KDM4C: variants seen among roughly 807,000 people sequenced by gnomAD.
The protein encoded by KDM4C is lysine-specific demethylase 4C.
KDM4C carries 81 observed loss-of-function variants against 129.3 expected under a neutral mutation model. The ratio of observed to expected loss-of-function variants is 0.63; its 90% CI spans 0.52 to 0.75. The LOEUF (loss-of-function observed/expected upper bound fraction) is 0.75, where lower values mean the gene tolerates loss of function less well. KDM4C is among the 30% of genes least tolerant of loss of function. The pLI is 0.00. For synonymous variants in KDM4C, 573 were observed against 456.1 expected (o/e 1.26, Z -3.26); for missense variants, 1,457 against 1,304.0 (o/e 1.12, Z -1.81).
At chr9:6,757,840 A>G (rs1215024149), upstream of KDM4C, 2 of 985,426 alleles carry the variant, frequency 2.0e-6, no homozygotes, top group Admixed American at 6.1e-5. Flanking sequence ...AGCAAGCCTA[A>G]GTTAACCACA....
intron 8 of KDM4C, among the ~76,000 whole-genome samples, chr9:6,929,822 T>G (rs1311618673): frequency 6.6e-6 from 1 of 152,208 alleles, no homozygotes; most frequent in Non-Finnish European, 1.5e-5. Context: ...TGAAAAAAGT[T>G]TGAAGGCTTC....
intron 6 of KDM4C, among the ~76,000 whole-genome samples, chr9:6,880,997 A>T (rs1844361270): frequency 6.6e-6 from 1 of 152,206 alleles, no homozygotes; most frequent in South Asian, 2.1e-4. Context: ...TTCTGCCTTT[A>T]TCCAGGATTG....
At chr9:7,173,625 A>G (rs1043798708) in intron 21 of KDM4C, among the ~76,000 whole-genome samples, 2 of 152,218 alleles carry the variant, frequency 1.3e-5, no homozygotes, top group Non-Finnish European at 2.9e-5. Flanking sequence ...AAGGGCTTCA[A>G]GGTACATGCA....
intron 5 of KDM4C, among the ~76,000 whole-genome samples, chr9:6,873,122 G>A (rs1403949247): frequency 6.6e-6 from 1 of 152,060 alleles, no homozygotes; most frequent in African/African-American, 2.4e-5. Flanking sequence ...CCAGACTCCC[G>A]ATTAGCTGAG....
At chr9:6,965,117 A>T (rs1830716406) in intron 8 of KDM4C, among the ~76,000 whole-genome samples, 4 of 151,856 alleles carry the variant, frequency 2.6e-5, no homozygotes, top group African/African-American at 9.7e-5. Flanking sequence ...GTTTCCCATT[A>T]CTCTTTCTTG....
chr9:6,804,408 T>C (rs1829584927), intron 2 of KDM4C, among the ~76,000 whole-genome samples: 1 of 152,210 alleles, frequency 6.6e-6, no homozygotes, highest in Non-Finnish European at 1.5e-5. Flanking sequence ...AAGCTGGTTA[T>C]TAAAGATCTA....
intron 4 of KDM4C, among the ~76,000 whole-genome samples, chr9:6,845,818 G>T (rs1564146913): frequency 1.3e-5 from 2 of 152,220 alleles, no homozygotes; most frequent in South Asian, 2.1e-4. Context: ...TGCTGAACAT[G>T]TGTGGGAGAG....
chr9:6,867,017 ATTTT>A (rs139668753), intron 5 of KDM4C, among the ~76,000 whole-genome samples: 2,700 of 83,692 alleles, frequency 0.032, 49 homozygotes, highest in African/African-American at 0.07. Flanking sequence ...ATATATATAT[ATTTT>A]TTTTTTTTTT....
At chr9:7,000,265 G>T (rs1820491199) in intron 12 of KDM4C, among the ~76,000 whole-genome samples, 1 of 152,068 alleles carries the variant, frequency 6.6e-6, no homozygotes, top group Non-Finnish European at 1.5e-5. Context: ...CTTTTATTAT[G>T]CTAGTGGCTT....
chr9:6,876,575 T>C (rs1843592393), intron 5 of KDM4C, among the ~76,000 whole-genome samples: 1 of 152,204 alleles, frequency 6.6e-6, no homozygotes, highest in Non-Finnish European at 1.5e-5. Flanking sequence ...TTTCTTTCTT[T>C]CTCTCTCTTC....
intron 1 of KDM4C, among the ~76,000 whole-genome samples, chr9:6,789,466 C>T (rs1826116957): frequency 6.6e-6 from 1 of 152,068 alleles, no homozygotes; most frequent in Non-Finnish European, 1.5e-5. Context: ...GTGATCCACC[C>T]ACCTCAGCCT....
At chr9:7,090,570 A>C (rs1158810175) in intron 17 of KDM4C, among the ~76,000 whole-genome samples, 1 of 152,226 alleles carries the variant, frequency 6.6e-6, no homozygotes, top group Non-Finnish European at 1.5e-5. Flanking sequence ...AGAAGGGTTA[A>C]GCTTCCTTTG....
chr9:7,092,915 G>C (rs947231211), intron 17 of KDM4C, among the ~76,000 whole-genome samples: 1 of 152,112 alleles, frequency 6.6e-6, no homozygotes, highest in East Asian at 1.9e-4. Flanking sequence ...AAGAAATAGA[G>C]GGAGAATGGA....
chr9:7,091,423 A>G (rs544838134), intron 17 of KDM4C, among the ~76,000 whole-genome samples: 1 of 152,328 alleles, frequency 6.6e-6, no homozygotes, highest in African/African-American at 2.4e-5. Context: ...AAAACACTTT[A>G]TACTTAAAAT....
intron 1 of KDM4C, among the ~76,000 whole-genome samples, chr9:6,728,741 G>A (rs1754799955): frequency 6.6e-6 from 1 of 152,052 alleles, no homozygotes; most frequent in Non-Finnish European, 1.5e-5. Context: ...AGCTACTCAG[G>A]AGGCTGAGGC....
intron 6 of KDM4C, among the ~76,000 whole-genome samples, chr9:6,887,493 G>A (rs1048680457): frequency 6.6e-6 from 1 of 152,190 alleles, no homozygotes; most frequent in Non-Finnish European, 1.5e-5. Context: ...AAACAGAAAG[G>A]TGGGGGAACT....
chr9:6,924,218 T>C (rs184910410), intron 8 of KDM4C, among the ~76,000 whole-genome samples: 136 of 152,314 alleles, frequency 8.9e-4, no homozygotes, highest in African/African-American at 3.1e-3. Context: ...GCTTTTTTGT[T>C]TGTTTAATCC....
At chr9:7,161,103 GA>G (rs1464658164) in intron 19 of KDM4C, among the ~76,000 whole-genome samples, 2 of 152,188 alleles carry the variant, frequency 1.3e-5, no homozygotes, top group African/African-American at 4.8e-5. Flanking sequence ...CGCTAGCAGT[GA>G]GCAAGGCTCC....
intron 6 of KDM4C, among the ~76,000 whole-genome samples, chr9:6,882,695 A>G (rs1375253809): frequency 1.3e-5 from 2 of 152,188 alleles, no homozygotes; most frequent in Non-Finnish European, 2.9e-5. Context: ...TTACCTTATT[A>G]AAAAAGCAGT....
Sources: gnomAD v4.1 joint callset for allele counts (sites outside exome capture counted in the v4.1 genomes callset) on GRCh38, gnomAD v4.1.1 for gene constraint, MANE v1.5 for transcripts, NCBI Gene and HGNC (gene_info 2026-07-23, HGNC 2026-07-21) for gene names.